Variants in DLG2 observed in about 807,000 individuals in gnomAD.
The protein encoded by DLG2 is discs large MAGUK scaffold protein 2, also known as disks large homolog 2.
DLG2 carries 45 observed loss-of-function variants against 132.5 expected under a neutral mutation model. The observed-to-expected ratio is 0.34, with a 90% CI of 0.27 to 0.44. The LOEUF is 0.44. Ranked by LOEUF, DLG2 falls within the 20% of genes least tolerant of loss-of-function variation. The pLI, the probability that DLG2 is intolerant of heterozygous loss-of-function variation, is 1.00. For synonymous variants in DLG2, 424 were observed against 419.6 expected (o/e 1.01, Z -0.13); for missense variants, 1,045 against 1,196.9 (o/e 0.87, Z 1.87).
At chr11:83,792,569 T>G (rs1033585889) in intron 17 of DLG2, among the ~76,000 whole-genome samples, 15 of 152,140 alleles carry the variant, frequency 9.9e-5, no homozygotes, top group African/African-American at 3.4e-4. Flanking sequence ...TTATAAAATA[T>G]ATAATTTAAA....
intron 3 of DLG2, among the ~76,000 whole-genome samples, chr11:85,513,967 C>G (rs1160327628): frequency 2.0e-5 from 3 of 151,874 alleles, no homozygotes; most frequent in Admixed American, 6.6e-5. Context: ...GAAGTATTCA[C>G]TAGCTTTCTT....
chr11:84,832,870 G>C (rs1425214239), intron 6 of DLG2, among the ~76,000 whole-genome samples: 1 of 151,454 alleles, frequency 6.6e-6, no homozygotes, highest in Non-Finnish European at 1.5e-5. Flanking sequence ...TGATTAAACT[G>C]CTAATAGCAA....
At chr11:83,867,393 T>A (rs1039297013) in intron 16 of DLG2, among the ~76,000 whole-genome samples, 2 of 152,176 alleles carry the variant, frequency 1.3e-5, no homozygotes, top group African/African-American at 4.8e-5. Flanking sequence ...TAATGTTATA[T>A]TTTTAGCCCT....
chr11:83,746,142 G>T (rs1482017586), intron 18 of DLG2, among the ~76,000 whole-genome samples: 1 of 152,198 alleles, frequency 6.6e-6, no homozygotes, highest in Non-Finnish European at 1.5e-5. Context: ...CTATAAACTA[G>T]TTCAACCATT....
At chr11:85,376,339 A>G (rs1225989107) in intron 3 of DLG2, among the ~76,000 whole-genome samples, 1 of 152,196 alleles carries the variant, frequency 6.6e-6, no homozygotes, top group Non-Finnish European at 1.5e-5. Flanking sequence ...ACATTATAAG[A>G]CAATCATAGA....
At chr11:84,017,035 C>A (rs1252834452) in intron 11 of DLG2, among the ~76,000 whole-genome samples, 2 of 151,520 alleles carry the variant, frequency 1.3e-5, no homozygotes, top group African/African-American at 4.8e-5. Flanking sequence ...GAGAGTACTA[C>A]ACAGAGAACA....
intron 9 of DLG2, among the ~76,000 whole-genome samples, chr11:84,129,749 C>G (rs919947204): frequency 6.6e-6 from 1 of 151,948 alleles, no homozygotes; most frequent in African/African-American, 2.4e-5. Context: ...GGAATAAGAT[C>G]TACATTTTGC....
rs560725470 is a variant in DLG2 at position 84,958,165 on chromosome 11, T to C, written c.357+153496A>G. Among the ~76,000 whole-genome samples the C allele has an allele frequency of 9.2e-5, 14 of 152,306 alleles. No individual in the cohort carries two copies. In the East Asian group the frequency reaches 1.9e-3, roughly 21 times the overall value. The stretch of plus-strand genomic sequence containing the variant: ...ATATTAGGACTGTTCTTTGGAAAGA[T>C]TGTGCATTTGGTACATGCCATATCC... On this transcript the variant is annotated intron_variant, in intron 6 of 27. Transcript: ENST00000376104.
intron 6 of DLG2, among the ~76,000 whole-genome samples, chr11:84,850,960 C>T (rs2082096332): frequency 6.6e-6 from 1 of 152,064 alleles, no homozygotes; most frequent in Admixed American, 6.6e-5. Context: ...GATAACAGTG[C>T]TCTTCAAACT....
chr11:84,177,641 T>C lies in DLG2; in HGVS notation c.574-14130A>G, dbSNP rs77548255. On this transcript the variant is annotated intron_variant, in intron 8 of 27. Coordinates refer to ENST00000376104, the MANE Select transcript of DLG2 (RefSeq NM_001142699.3). ...GAAGTAAAGTACAGTTCTCAACTGCTCATAATCTAGAGACATTTCCTAAGT... is the reference window on the plus strand; with the variant it reads ...GAAGTAAAGTACAGTTCTCAACTGCCCATAATCTAGAGACATTTCCTAAGT... Among the ~76,000 whole-genome samples the C allele has an allele frequency of 9.6e-3, 1,457 of 152,302 alleles. 18 individuals are homozygous for C. The highest frequency in any genetic ancestry group is 0.032 in the African/African-American group (1,343 of 41,572).
intron 3 of DLG2, among the ~76,000 whole-genome samples, chr11:85,326,298 G>C (rs1314240104): frequency 2.8e-5 from 4 of 143,600 alleles, no homozygotes; most frequent in Non-Finnish European, 4.5e-5. Context: ...CTCGAGAAGA[G>C]CAACTCCAAG....
chr11:83,708,563 G>C (rs1305684001), intron 18 of DLG2, among the ~76,000 whole-genome samples: 1 of 152,070 alleles, frequency 6.6e-6, no homozygotes, highest in Non-Finnish European at 1.5e-5. Flanking sequence ...TCAATACTTG[G>C]CTTTATGTAC....
intron 3 of DLG2, among the ~76,000 whole-genome samples, chr11:85,488,603 C>T (rs2093485661): frequency 6.6e-6 from 1 of 152,004 alleles, no homozygotes; most frequent in African/African-American, 2.4e-5. Context: ...CTAAAATCAG[C>T]AAGAGAAAGG....
chr11:84,922,245 A>G (rs1461892504), intron 6 of DLG2, among the ~76,000 whole-genome samples: 1 of 152,112 alleles, frequency 6.6e-6, no homozygotes, highest in Non-Finnish European at 1.5e-5. Context: ...TCTCAAAGGC[A>G]ATCACTTTCC....
chr11:84,285,436 A>G (rs1292577810), intron 7 of DLG2, among the ~76,000 whole-genome samples: 2 of 152,090 alleles, frequency 1.3e-5, no homozygotes, highest in African/African-American at 4.8e-5. Context: ...TTTAGGATAT[A>G]ATACATCCCA....
At chr11:84,647,602 A>G (rs2099676540) in intron 6 of DLG2, among the ~76,000 whole-genome samples, 1 of 152,190 alleles carries the variant, frequency 6.6e-6, no homozygotes, top group African/African-American at 2.4e-5. Context: ...ATCTTTATTA[A>G]ACACCTATAG....
intron 8 of DLG2, among the ~76,000 whole-genome samples, chr11:84,166,155 C>T (rs1433121107): frequency 6.6e-6 from 1 of 152,014 alleles, no homozygotes; most frequent in Non-Finnish European, 1.5e-5. Flanking sequence ...ACTCCTAAGA[C>T]AAGAAATGGC....
chr11:83,845,130 C>T (rs554397073), intron 16 of DLG2, among the ~76,000 whole-genome samples: 1 of 151,964 alleles, frequency 6.6e-6, no homozygotes, highest in Admixed American at 6.6e-5. Context: ...GTCTATTACC[C>T]GTGGAAGTCA....
intron 9 of DLG2, among the ~76,000 whole-genome samples, chr11:84,142,871 G>A (rs1283238870): frequency 6.6e-6 from 1 of 152,048 alleles, no homozygotes; most frequent in Non-Finnish European, 1.5e-5. Context: ...GATTGCAGAT[G>A]GCAGATTGTG....
Sources: gnomAD v4.1 joint callset for allele counts (sites outside exome capture counted in the v4.1 genomes callset) on GRCh38, gnomAD v4.1.1 for gene constraint, MANE v1.5 for transcripts, NCBI Gene and HGNC (gene_info 2026-07-23, HGNC 2026-07-21) for gene names.